The following CUL4A variants were observed in gnomAD, a reference collection of about 807,000 sequenced individuals.
CUL4A encodes cullin-4A.
A neutral mutation model predicts 95.5 loss-of-function variants in CUL4A; 16 were observed. The ratio of observed to expected loss-of-function variants is 0.17; its 90% CI spans 0.11 to 0.25. The LOEUF (loss-of-function observed/expected upper bound fraction) is 0.25. Ranked by LOEUF, CUL4A falls within the 10% of genes least tolerant of loss-of-function variation. The probability of loss-of-function intolerance (pLI) is 1.00; values close to 1 mark genes in which losing one functional copy is unlikely to be tolerated. For synonymous variants in CUL4A, 380 were observed against 353.1 expected (o/e 1.08, Z -0.85); for missense variants, 610 against 937.0 (o/e 0.65, Z 4.56).
At chr13:113,245,368 C>T (rs956695271) in intron 14 of CUL4A, 131 bp downstream of exon 14, 43 of 788,996 alleles carry the variant, frequency 5.4e-5, no homozygotes, top group Non-Finnish European at 7.7e-5. Flanking sequence ...TCAAAACTAC[C>T]CTGATCAACA....
At chr13:113,233,524 G>T (rs907261544) in intron 6 of CUL4A, among the ~76,000 whole-genome samples, 185 bp downstream of exon 6, 3 of 152,212 alleles carry the variant, frequency 2.0e-5, no homozygotes, top group African/African-American at 7.2e-5. Context: ...CCACAAAAGA[G>T]AAGATAGATC....
chr13:113,224,068 G>C (rs2041005226), intron 3 of CUL4A, among the ~76,000 whole-genome samples: 1 of 152,158 alleles, frequency 6.6e-6, no homozygotes, highest in Non-Finnish European at 1.5e-5. Flanking sequence ...AAAATGTCAA[G>C]CCCGCAGAGT....
chr13:113,263,788 T>G lies in CUL4A; in HGVS notation c.*206T>G, dbSNP rs2042350390. On this transcript the variant is annotated 3_prime_UTR_variant, in exon 20 of 20. Transcript: ENST00000375440. ...TTTTCCCTCCAGTTTTTCCTCTAGT[T>G]CTTTTAGGCATTTAAATTGTTTCTG... The G allele has an allele frequency of 2.5e-6, 1 of 404,004 alleles. No homozygotes were observed. The allele number at this position is 404,004 out of a possible 1,614,324, so 25.0% of individuals were successfully genotyped here.
At chr13:113,235,034 C>G in intron 7 of CUL4A, 29 bp from the exon 8 acceptor site, 1 of 1,460,440 alleles carries the variant, frequency 6.8e-7, no homozygotes. Flanking sequence ...CTTTTTGTTA[C>G]TGATACATTT....
intron 18 of CUL4A, among the ~76,000 whole-genome samples, chr13:113,256,149 C>G (rs1566371712): frequency 6.6e-6 from 1 of 152,058 alleles, no homozygotes; most frequent in Non-Finnish European, 1.5e-5. Context: ...CAGTGAGACC[C>G]CAAACTCTAC....
intron 12 of CUL4A, 53 bp from the exon 13 acceptor site, chr13:113,244,896 A>G (rs2041818293): frequency 8.4e-7 from 1 of 1,189,100 alleles, no homozygotes; most frequent in Non-Finnish European, 1.2e-6. Flanking sequence ...GAAGTTTAAC[A>G]TTTGCTTATC....
chr13:113,246,958 GAA>G (rs2041873404), intron 15 of CUL4A, among the ~76,000 whole-genome samples: 1 of 152,166 alleles, frequency 6.6e-6, no homozygotes, highest in African/African-American at 2.4e-5. Context: ...AATTTGTAAA[GAA>G]AAGAGTTTTC....
intron 9 of CUL4A, among the ~76,000 whole-genome samples, chr13:113,237,539 T>G (rs1157305885): frequency 6.6e-6 from 1 of 152,238 alleles, no homozygotes; most frequent in Non-Finnish European, 1.5e-5. Flanking sequence ...TGTTTATTGC[T>G]GTTTTTTCTA....
chr13:113,229,920 C>T (rs2041249136), intron 5 of CUL4A: 1 of 429,628 alleles, frequency 2.3e-6, no homozygotes, highest in Admixed American at 4.0e-5. Flanking sequence ...GCTTGCTCAG[C>T]CTCCCGGCCT....
At chr13:113,240,679 A>G (rs2041682008) in intron 10 of CUL4A, among the ~76,000 whole-genome samples, 1 of 152,190 alleles carries the variant, frequency 6.6e-6, no homozygotes, top group African/African-American at 2.4e-5. Context: ...TTAGAAATGG[A>G]GGATAGATGA....
rs188645141 is a variant in CUL4A at position 113,223,055 on chromosome 13, A to G, written c.368+4007A>G. On this transcript the variant is annotated intron_variant, in intron 3 of 19. Transcript: ENST00000375440. ...CCAGTAAGTAGAGTCTGAGGGGATG[A>G]TGAGACCAGGAAGTGGCTGGTTACT... Among the ~76,000 whole-genome samples the G allele has an allele frequency of 1.1e-3, 167 of 152,264 alleles. 2 individuals carry two copies. Among genetic ancestry groups the G allele is most frequent in the South Asian group, 8.1e-3 (39 of 4,818 alleles).
chr13:113,232,067 G>GC (rs1566342911), intron 5 of CUL4A, among the ~76,000 whole-genome samples: 1,826 of 135,078 alleles, frequency 0.014, 59 homozygotes, highest in East Asian at 0.036. Flanking sequence ...CACCATTACT[G>GC]TCACCACTAC....
intron 3 of CUL4A, among the ~76,000 whole-genome samples, chr13:113,227,766 G>A (rs566693874): frequency 6.6e-5 from 10 of 152,240 alleles, no homozygotes; most frequent in Non-Finnish European, 7.4e-5. Flanking sequence ...TTAGCTGGGC[G>A]TGGTGGCACA....
intron 15 of CUL4A, 24 bp downstream of exon 15, chr13:113,246,087 T>C: frequency 6.4e-7 from 1 of 1,554,512 alleles, no homozygotes; most frequent in Non-Finnish European, 8.9e-7. Flanking sequence ...AAGCATGCTG[T>C]CCGCTCCCGC....
At chr13:113,222,978 G>A (rs2040955607) in intron 3 of CUL4A, among the ~76,000 whole-genome samples, 2 of 152,196 alleles carry the variant, frequency 1.3e-5, no homozygotes, top group Admixed American at 1.3e-4. Flanking sequence ...AACCTGGAGA[G>A]TCATCTTGTG....
chr13:113,209,913 T>C lies in CUL4A; in HGVS notation c.149-60T>C, dbSNP rs1177637108. 22 of 1,321,476 alleles carry C rather than the reference T, an allele frequency of 1.7e-5. 1 individual carries two copies. In the South Asian group the frequency reaches 3.2e-4, roughly 19 times the overall value. The allele number at this position is 1,321,476 out of a possible 1,614,324, so 81.9% of individuals were successfully genotyped here. On this transcript the variant is annotated intron_variant, in intron 1 of 19. Coordinates refer to ENST00000375440, the MANE Select transcript of CUL4A (RefSeq NM_001008895.4). ...GCCGGGGCGCCGGCCGGGTCGGGGGTGGCTACGCGGGGCGCTTCGCGGCGC... is the reference window on the plus strand; with the variant it reads ...GCCGGGGCGCCGGCCGGGTCGGGGGCGGCTACGCGGGGCGCTTCGCGGCGC...
chr13:113,210,710 AG>A (rs1333716573), intron 2 of CUL4A, among the ~76,000 whole-genome samples: 4 of 152,234 alleles, frequency 2.6e-5, no homozygotes, highest in Admixed American at 2.6e-4. Flanking sequence ...CTTTTTGTAA[AG>A]TAACATTCAT....
rs200956962 is a variant in CUL4A, at chr13:113,220,036, C to T, written c.368+988C>T. Among the ~76,000 whole-genome samples the T allele has an allele frequency of 2.3e-4, 35 of 152,252 alleles. No individual in the cohort carries two copies. The East Asian group carries it at 4.6e-3, about 20-fold the overall frequency. On this transcript the variant is annotated intron_variant, in intron 3 of 19. Coordinates refer to ENST00000375440, the MANE Select transcript of CUL4A (RefSeq NM_001008895.4). ...TTGTGGCTGTACTTTTCTAGGCCTC[C>T]GTTTCTTCATGTGTAAAATTAGGTG... is the stretch of plus-strand genomic sequence containing the variant.
chr13:113,237,420 C>T (rs1171153545), intron 9 of CUL4A, among the ~76,000 whole-genome samples: 3 of 152,220 alleles, frequency 2.0e-5, no homozygotes, highest in Admixed American at 1.3e-4. Context: ...GCTGACGGCG[C>T]GGCCTTCACG....
Sources: gnomAD v4.1 joint callset for allele counts (sites outside exome capture counted in the v4.1 genomes callset) on GRCh38, gnomAD v4.1.1 for gene constraint, MANE v1.5 for transcripts, NCBI Gene and HGNC (gene_info 2026-07-23, HGNC 2026-07-21) for gene names.